Variants in ZFHX3 observed in about 807,000 individuals in gnomAD.
ZFHX3 encodes zinc finger homeobox 3, also known as zinc finger homeobox protein 3.
ZFHX3 carries 42 observed loss-of-function variants against 279.1 expected under a neutral mutation model. The observed-to-expected ratio is 0.15, with a 90% CI of 0.12 to 0.19. ZFHX3 has a LOEUF of 0.19. Ranked by LOEUF, ZFHX3 falls within the 10% of genes least tolerant of loss-of-function variation. The pLI, the probability that ZFHX3 is intolerant of heterozygous loss-of-function variation, is 1.00. For synonymous variants in ZFHX3, 2,293 were observed against 1,957.8 expected, an observed-to-expected ratio of 1.17 and a Z score of -4.52; for missense variants, 4,981 against 4,754.0, an observed-to-expected ratio of 1.05 and a Z score of -1.40.
chr16:73,500,352 G>A (rs1291224462), intron 2 of ZFHX3: 1 of 154,324 alleles, frequency 6.5e-6, no homozygotes, highest in Non-Finnish European at 1.4e-5. Context: ...TTTTGAGAGA[G>A]GGGCTGACTC....
rs535666070 is a variant in ZFHX3 at position 73,169,603 on chromosome 16, G to A, written c.-1103-25772C>T. ...GTTGCAGCGAGGCAGAGGTTGCAGT[G>A]AGCCAAGATTGTGCCACTGCACTCC... On this transcript the variant is annotated intron_variant, in intron 5 of 17. Coordinates refer to the ZFHX3 transcript ENST00000641206. Among the ~76,000 whole-genome samples the A allele has an allele frequency of 4.0e-5, 6 of 151,848 alleles. 1 individual carries two copies. In the South Asian group the frequency reaches 1.2e-3, roughly 32 times the overall value.
chr16:73,706,039 T>G (rs533876315), intron 1 of ZFHX3, among the ~76,000 whole-genome samples: 1 of 152,284 alleles, frequency 6.6e-6, no homozygotes, highest in African/African-American at 2.4e-5. Context: ...ACACAGTGAC[T>G]CACACCTGTA....
chr16:73,423,638 G>A (rs2017758592), intron 3 of ZFHX3, among the ~76,000 whole-genome samples: 1 of 152,196 alleles, frequency 6.6e-6, no homozygotes, highest in South Asian at 2.1e-4. Context: ...GAGGCAGGTA[G>A]ATCACCTAAG....
chr16:73,633,214 T>C (rs76878377), intron 2 of ZFHX3, among the ~76,000 whole-genome samples: 14,989 of 152,272 alleles, frequency 0.098, 1,061 homozygotes, highest in Non-Finnish European at 0.14. Flanking sequence ...CTACTTAATA[T>C]ATGAAGGAGA....
chr16:72,948,231 CCCTG>C (rs1960800794), intron 3 of ZFHX3, among the ~76,000 whole-genome samples: 3 of 152,200 alleles, frequency 2.0e-5, no homozygotes, highest in African/African-American at 7.2e-5. Flanking sequence ...GGCAATTCTG[CCCTG>C]AACCTCAGGC....
chr16:73,604,992 A>T (rs1240431920), intron 2 of ZFHX3, among the ~76,000 whole-genome samples: 1 of 151,868 alleles, frequency 6.6e-6, no homozygotes, highest in Non-Finnish European at 1.5e-5. Flanking sequence ...AGCTGAATTC[A>T]CCCTTCTTGT....
chr16:72,936,217 A>G (rs1960116568), intron 3 of ZFHX3, among the ~76,000 whole-genome samples: 1 of 152,204 alleles, frequency 6.6e-6, no homozygotes, highest in Non-Finnish European at 1.5e-5. Flanking sequence ...GCTCTACCTT[A>G]TGAAATGCCA....
rs2035509424 is a variant in ZFHX3, at chr16:72,787,966, T to C, written c.10310A>G (p.Lys3437Arg). Residue 3437 changes from lysine (K) to arginine (R), a missense_variant, in exon 10 of 10, where the codon AAA (lysine) becomes AGA (arginine). Coordinates refer to ENST00000268489, the MANE Select transcript of ZFHX3 (RefSeq NM_006885.4). ...TPREVSPLLP[K>R]LPEEPEAESK... ...TTCTGCTTCTGGCTCTTCAGGGAGT[T>C]TCGGCAGGAGGGGGGACACCTCACG... 6.2e-7 allele frequency: 1 copy of C among 1,612,038 alleles called. No individual in the cohort carries two copies. The highest frequency in any genetic ancestry group is 1.1e-5 in the South Asian group (1 of 90,924).
intron 1 of ZFHX3, among the ~76,000 whole-genome samples, chr16:73,849,118 A>G (rs1197967872): frequency 6.6e-6 from 1 of 152,230 alleles, no homozygotes; most frequent in Non-Finnish European, 1.5e-5. Context: ...CAAAGTATGG[A>G]AAGACAATCA....
chr16:72,894,594 G>A (rs577895009), intron 3 of ZFHX3, among the ~76,000 whole-genome samples: 29 of 152,190 alleles, frequency 1.9e-4, no homozygotes, highest in Admixed American at 1.4e-3. Context: ...TGCCTTCCCC[G>A]CAGAAGGGAG....
At chr16:73,714,609 G>A (rs575934235) in intron 1 of ZFHX3, among the ~76,000 whole-genome samples, 5 of 152,208 alleles carry the variant, frequency 3.3e-5, no homozygotes, top group African/African-American at 7.2e-5. Context: ...ACGTCTGCAC[G>A]TGTGTGTTAA....
intron 3 of ZFHX3, among the ~76,000 whole-genome samples, chr16:73,371,511 G>A (rs1020529906): frequency 6.6e-6 from 1 of 151,690 alleles, no homozygotes; most frequent in Non-Finnish European, 1.5e-5. Context: ...AAAAAACCGA[G>A]TACCAGGTAA....
chr16:73,569,033 G>A (rs1171368270), intron 2 of ZFHX3, among the ~76,000 whole-genome samples: 1 of 152,136 alleles, frequency 6.6e-6, no homozygotes, highest in Non-Finnish European at 1.5e-5. Flanking sequence ...TTCAATTAAT[G>A]CCTCTCTAAT....
intron 4 of ZFHX3, among the ~76,000 whole-genome samples, chr16:72,880,014 C>T (rs745513746): frequency 2.0e-5 from 3 of 152,156 alleles, no homozygotes; most frequent in Non-Finnish European, 4.4e-5. Context: ...TGAGCACTTC[C>T]GGCTTCATTT....
chr16:73,530,872 T>C (rs958712155), intron 2 of ZFHX3, among the ~76,000 whole-genome samples: 2 of 152,208 alleles, frequency 1.3e-5, no homozygotes, highest in African/African-American at 4.8e-5. Flanking sequence ...GACAACCAGG[T>C]GTGGACGTGA....
chr16:73,484,223 T>C (rs961838390), intron 2 of ZFHX3, among the ~76,000 whole-genome samples: 2 of 152,138 alleles, frequency 1.3e-5, no homozygotes, highest in South Asian at 4.2e-4. Context: ...ACGAAGCATC[T>C]TCTCCGTATT....
At chr16:72,967,788 C>T (rs934693124) in intron 1 of ZFHX3, among the ~76,000 whole-genome samples, 7 of 150,788 alleles carry the variant, frequency 4.6e-5, no homozygotes, top group African/African-American at 9.8e-5. Context: ...ATTAGCCGGG[C>T]GTGGTGGCGG....
At chr16:73,566,688 C>CT (rs35009584) in intron 2 of ZFHX3, among the ~76,000 whole-genome samples, 1,336 of 119,892 alleles carry the variant, frequency 0.011, 14 homozygotes, top group East Asian at 0.027. Context: ...ACCAAGCTAA[C>CT]TTTTTTTTTT....
intron 1 of ZFHX3, among the ~76,000 whole-genome samples, chr16:73,797,249 G>A (rs1452564291): frequency 6.6e-6 from 1 of 152,076 alleles, no homozygotes; most frequent in Non-Finnish European, 1.5e-5. Flanking sequence ...CAGAAGTAGT[G>A]AAGCACTGTT....
Sources: gnomAD v4.1 joint callset for allele counts (sites outside exome capture counted in the v4.1 genomes callset) on GRCh38, gnomAD v4.1.1 for gene constraint, MANE v1.5 for transcripts, NCBI Gene and HGNC (gene_info 2026-07-23, HGNC 2026-07-21) for gene names.